The following CAAP1 variants were observed in gnomAD, a reference collection of about 807,000 sequenced individuals.
The protein encoded by CAAP1 is conserved anti-apoptotic protein.
In CAAP1, 20 loss-of-function variants were observed where a neutral mutation model predicts 34.0. The ratio of observed to expected loss-of-function variants is 0.59; its 90% CI spans 0.41 to 0.86. The LOEUF (loss-of-function observed/expected upper bound fraction) is 0.86. Among genes scored for constraint, CAAP1 ranks in the 40% least tolerant of loss-of-function variants. CAAP1 has a pLI of 0.00. For synonymous variants in CAAP1, 213 were observed against 166.7 expected (o/e 1.28, Z -2.14); for missense variants, 538 against 450.5 (o/e 1.19, Z -1.76).
chr9:26,887,316 T>C lies in CAAP1; in HGVS notation c.501A>G (p.Leu167=). 8 of 1,584,596 alleles carry C rather than the reference T, an allele frequency of 5.0e-6. No homozygotes were observed. The highest frequency in any genetic ancestry group is 6.9e-6 in the Non-Finnish European group (8 of 1,162,392). Residue 167 remains leucine, a synonymous_variant, in exon 2 of 6, where the codon TTA becomes TTG. Coordinates refer to ENST00000333916, the MANE Select transcript of CAAP1 (RefSeq NM_024828.4). The part of the protein sequence containing the change: ...KKLQKMLPDV[L]KNCSIEEIKK... The stretch of plus-strand genomic sequence containing the variant: ...AGTCTGATGTGTAATGAAGTACCTT[T>C]AACACATCAGGAAGCATCTTCTGTA...
intron 4 of CAAP1, among the ~76,000 whole-genome samples, chr9:26,864,287 T>C (rs992968908): frequency 6.6e-6 from 1 of 152,114 alleles, no homozygotes; most frequent in Non-Finnish European, 1.5e-5. Flanking sequence ...AGTAATACAC[T>C]GGGGAGATCT....
Position 26,892,573 on chromosome 9 carries a change from C to T in CAAP1, c.143G>A (p.Gly48Asp). 4 of 1,593,178 alleles carry T rather than the reference C, an allele frequency of 2.5e-6. No homozygotes were observed. The highest frequency in any genetic ancestry group is 2.6e-6 in the Non-Finnish European group (3 of 1,170,756). ...GSTSGCGSAG[G>D]CGSVSCCGNA... Reference sequence around the variant, plus strand: ...CCCACAGCAGCTGACGCTCCCGCAGCCCCCGGCGCTCCCGCAGCCGCTAGT... The same window carrying T: ...CCCACAGCAGCTGACGCTCCCGCAGTCCCCGGCGCTCCCGCAGCCGCTAGT... The change falls in exon 1 of 6, where the codon GGC becomes GAC. Residue 48 changes from glycine (G) to aspartate (D), a missense_variant. Gly to Asp is a moderately conservative substitution (Grantham distance 94). Around this residue, in one of 3 missense-constraint regions of CAAP1, gnomAD observed 514 missense variants for 408.4 expected, o/e 1.26. Transcript: ENST00000333916.
chr9:26,864,958 A>T (rs1823096868), intron 4 of CAAP1, among the ~76,000 whole-genome samples: 1 of 152,242 alleles, frequency 6.6e-6, no homozygotes, highest in Non-Finnish European at 1.5e-5. Flanking sequence ...ATAACCTAAT[A>T]GCAATTTACA....
rs1205867938 is a variant in CAAP1 at position 26,841,317 on chromosome 9, A to T, written c.*984T>A. 1.3e-5 allele frequency: 2 copies of T among 152,576 alleles called. No homozygotes were observed. The highest frequency in any genetic ancestry group is 2.9e-5 in the Non-Finnish European group (2 of 67,994). 9.5% of individuals were successfully genotyped at this position (152,576 alleles called of 1,614,324 possible). ...CTACGTAAATTTATTTTGGTATCAA[A>T]CAACTGCAATTAGTGATGGGGGGAT... is the stretch of plus-strand genomic sequence containing the variant. On this transcript the variant is annotated 3_prime_UTR_variant, in exon 6 of 6. Transcript: ENST00000333916.
At chr9:26,874,206 C>CAAAAAA (rs34601727) in intron 4 of CAAP1, among the ~76,000 whole-genome samples, 1 of 53,232 alleles carries the variant, frequency 1.9e-5, no homozygotes, top group African/African-American at 7.3e-5. Context: ...GACTCTGTCT[C>CAAAAAA]AAAAAAAAAA....
chr9:26,865,648 G>C (rs2131315870), intron 4 of CAAP1, among the ~76,000 whole-genome samples: 1 of 152,286 alleles, frequency 6.6e-6, no homozygotes, highest in African/African-American at 2.4e-5. Flanking sequence ...CAGATTCCAA[G>C]TAAAAATTCC....
intron 1 of CAAP1, among the ~76,000 whole-genome samples, chr9:26,891,385 T>C (rs767957325): frequency 6.6e-6 from 1 of 152,160 alleles, no homozygotes; most frequent in African/African-American, 2.4e-5. Flanking sequence ...ATCTCAGAAA[T>C]AGGTATTCTT....
chr9:26,861,872 C>T (rs1335270418), intron 4 of CAAP1, among the ~76,000 whole-genome samples: 1 of 152,140 alleles, frequency 6.6e-6, no homozygotes, highest in Non-Finnish European at 1.5e-5. Context: ...AATCTTCCTA[C>T]TCAGAAAGTT....
chr9:26,892,660 G>T lies in CAAP1; in HGVS notation c.56C>A (p.Ala19Glu). 6.2e-7 allele frequency: 1 copy of T among 1,607,136 alleles called. No homozygotes were observed. The highest frequency in any genetic ancestry group is 8.5e-7 in the Non-Finnish European group (1 of 1,179,112). Residue 19 changes from alanine to glutamate, a missense_variant, in exon 1 of 6, where the codon GCG becomes GAG. By Grantham distance (107) the Ala-to-Glu change is moderately radical. This residue lies in a region of CAAP1 where 514 missense variants were observed against 408.4 expected (regional missense o/e 1.26). Transcript: ENST00000333916. ...EKRRKRSSQE[A>E]AAALAAPDIV... ...GTCCGGGGCCGCGAGCGCTGCGGCC[G>T]CCTCCTGACTGCTACGTTTGCGCCG... is the stretch of plus-strand genomic sequence containing the variant.
At chr9:26,885,235 C>T (rs896691336) in intron 3 of CAAP1, among the ~76,000 whole-genome samples, 4 of 151,874 alleles carry the variant, frequency 2.6e-5, no homozygotes, top group Non-Finnish European at 5.9e-5. Flanking sequence ...CGCCACCACG[C>T]CCGGCTAATT....
chr9:26,871,914 A>AAAATAAATAAATAAAT (rs539844823), intron 4 of CAAP1, among the ~76,000 whole-genome samples: 2,809 of 149,722 alleles, frequency 0.019, 86 homozygotes, highest in African/African-American at 0.067. Flanking sequence ...ACTTCATCTC[A>AAAATAAATAAATAAAT]AAATAAATAA....
intron 4 of CAAP1, among the ~76,000 whole-genome samples, chr9:26,871,871 G>A (rs1308023369): frequency 6.6e-6 from 1 of 151,926 alleles, no homozygotes; most frequent in African/African-American, 2.4e-5. Context: ...CCAAGATCAT[G>A]CCACTGCACT....
At chr9:26,879,927 G>T (rs993168125) in intron 4 of CAAP1, among the ~76,000 whole-genome samples, 1 of 152,116 alleles carries the variant, frequency 6.6e-6, no homozygotes, top group African/African-American at 2.4e-5. Flanking sequence ...CCTATTGTGG[G>T]ACTTTACCTT....
intron 4 of CAAP1, among the ~76,000 whole-genome samples, chr9:26,872,860 T>C (rs950694585): frequency 7.1e-6 from 1 of 140,640 alleles, no homozygotes; most frequent in Non-Finnish European, 1.5e-5. Flanking sequence ...GAATATCTTT[T>C]TTAAGTTAAT....
At chr9:26,845,404 C>A (rs1473090715) in intron 5 of CAAP1, among the ~76,000 whole-genome samples, 1 of 152,122 alleles carries the variant, frequency 6.6e-6, no homozygotes, top group African/African-American at 2.4e-5. Flanking sequence ...TGAATATTTG[C>A]TTTTTCTGTC....
chr9:26,851,896 C>A (rs1822760646), intron 5 of CAAP1, among the ~76,000 whole-genome samples: 1 of 152,088 alleles, frequency 6.6e-6, no homozygotes, highest in African/African-American at 2.4e-5. Flanking sequence ...CCATAATCTA[C>A]CCATCCTAGG....
intron 4 of CAAP1, among the ~76,000 whole-genome samples, chr9:26,884,323 C>T (rs887709535): frequency 5.3e-5 from 8 of 152,022 alleles, no homozygotes; most frequent in South Asian, 2.1e-4. Context: ...TTTATCATCC[C>T]GACAGTCAAA....
At chr9:26,868,538 C>A (rs1230537191) in intron 4 of CAAP1, among the ~76,000 whole-genome samples, 1 of 152,152 alleles carries the variant, frequency 6.6e-6, no homozygotes, top group African/African-American at 2.4e-5. Flanking sequence ...TCACTTCTGA[C>A]CTCCAGAACT....
chr9:26,876,379 G>C (rs2131329343), intron 4 of CAAP1, among the ~76,000 whole-genome samples: 1 of 151,316 alleles, frequency 6.6e-6, no homozygotes, highest in East Asian at 2.0e-4. Context: ...TTTGTCTTTT[G>C]AAAGTACATA....
Sources: allele counts gnomAD v4.1 joint callset (sites outside exome capture counted in the v4.1 genomes callset), GRCh38; gene constraint gnomAD v4.1.1; regional missense constraint gnomAD v4.1.1; transcripts MANE v1.5; gene names NCBI Gene and HGNC (gene_info 2026-07-23, HGNC 2026-07-21).